Variants in BLVRA observed in about 807,000 individuals in gnomAD.
BLVRA encodes biliverdin reductase A.
BLVRA carries 22 observed loss-of-function variants against 32.8 expected under a neutral mutation model. The observed-to-expected ratio is 0.67, with a 90% CI of 0.48 to 0.96. The LOEUF is 0.96. Among genes scored for constraint, BLVRA ranks in the 40% least tolerant of loss-of-function variants. The probability of loss-of-function intolerance (pLI) is 0.00; values close to 1 mark genes in which losing one functional copy is unlikely to be tolerated. For synonymous variants in BLVRA, 119 were observed against 141.3 expected (o/e 0.84, Z 1.12); for missense variants, 323 against 358.1 (o/e 0.90, Z 0.79).
At chr7:43,779,554 A>G (rs1164683911) in intron 2 of BLVRA, among the ~76,000 whole-genome samples, 2 of 152,166 alleles carry the variant, frequency 1.3e-5, no homozygotes, top group South Asian at 2.1e-4. Context: ...AAGTCTCCCT[A>G]TTACGTTATC....
intron 7 of BLVRA, among the ~76,000 whole-genome samples, chr7:43,804,591 A>G (rs898297048): frequency 5.9e-5 from 9 of 152,232 alleles, no homozygotes; most frequent in Middle Eastern, 6.8e-3. Flanking sequence ...TGCCATTAAC[A>G]CTGTACATGT....
intron 2 of BLVRA, among the ~76,000 whole-genome samples, chr7:43,780,200 C>A (rs561114673): frequency 1.7e-3 from 259 of 152,222 alleles, no homozygotes; most frequent in Non-Finnish European, 3.2e-3. Flanking sequence ...GCCACAGGGA[C>A]CCCAAGCCCG....
At chr7:43,767,577 G>A (rs1274693846) in intron 1 of BLVRA, 3 of 997,642 alleles carry the variant, frequency 3.0e-6, no homozygotes, top group African/African-American at 1.6e-5. Flanking sequence ...TCATGACAGT[G>A]ACATGAAGGC....
chr7:43,759,870 C>G (rs1585705495), intron 1 of BLVRA: 1 of 151,678 alleles, frequency 6.6e-6, no homozygotes, highest in South Asian at 2.1e-4. Flanking sequence ...AAATGTTAGA[C>G]AAAGTATCAG....
In BLVRA at chr7:43,803,821, AGT is replaced by A; in HGVS notation, c.611_612del (p.Cys204SerfsTer13). Reference sequence around the variant, plus strand: ...AGGAAGATCAGTATATGAAAATGACAGTGTGTCTGGAGACAGAGAAGAAAAGG... The same window carrying A: ...AGGAAGATCAGTATATGAAAATGACAGTGTCTGGAGACAGAGAAGAAAAGG... ...RKEDQYMKMT[V>X]CLETEKKSPL... On this transcript the variant is annotated frameshift_variant, in exon 7 of 8. Coordinates refer to ENST00000265523, the MANE Select transcript of BLVRA (RefSeq NM_000712.4). LOFTEE classifies it high-confidence loss of function. 6.2e-7 allele frequency: 1 copy of A among 1,614,126 alleles called. No homozygotes were observed. The highest frequency in any genetic ancestry group is 1.1e-5 in the South Asian group (1 of 91,086).
chr7:43,787,756 C>T lies in BLVRA; in HGVS notation c.13-148C>T. 1 of 1,248,288 alleles carries T rather than the reference C, an allele frequency of 8.0e-7. No homozygotes were observed. Among genetic ancestry groups the T allele is most frequent in the Non-Finnish European group, 1.2e-6 (1 of 856,144 alleles). The allele number at this position is 1,248,288 out of a possible 1,614,324, so 77.3% of individuals were successfully genotyped here. ...TCCAAGCCCCCATTTCGGGGACTGT[C>T]TCATCCCATCCTGATGCTGTGGCTT... On this transcript the variant is annotated intron_variant, in intron 2 of 7. Transcript: ENST00000265523. This position sits in a 1 kb window ranked among gnomAD's most constrained non-coding sequence, Gnocchi z 4.5.
chr7:43,766,158 CG>C (rs1563535160), intron 1 of BLVRA, among the ~76,000 whole-genome samples: 2 of 151,696 alleles, frequency 1.3e-5, no homozygotes, highest in Admixed American at 6.6e-5. Context: ...TGGTGGTAGG[CG>C]CCTGTAATCC....
intron 5 of BLVRA, among the ~76,000 whole-genome samples, chr7:43,800,058 T>A (rs2095797025): frequency 6.6e-6 from 1 of 152,156 alleles, no homozygotes; most frequent in Admixed American, 6.6e-5. Flanking sequence ...CAGGTTCTAG[T>A]GATTCTCCTG....
chr7:43,794,846 C>A (rs1217478414), intron 5 of BLVRA, among the ~76,000 whole-genome samples: 1 of 152,130 alleles, frequency 6.6e-6, no homozygotes, highest in Non-Finnish European at 1.5e-5. Context: ...ACATTAATAG[C>A]AAAATGGGGG....
intron 2 of BLVRA, among the ~76,000 whole-genome samples, chr7:43,786,831 G>GT (rs2095778213): frequency 6.6e-6 from 1 of 152,160 alleles, no homozygotes. Flanking sequence ...TGACAACTGG[G>GT]TACAGAGGTG....
chr7:43,769,189 G>A (rs1323093685), intron 1 of BLVRA, among the ~76,000 whole-genome samples: 1 of 151,874 alleles, frequency 6.6e-6, no homozygotes, highest in Non-Finnish European at 1.5e-5. Flanking sequence ...CACAATGCCT[G>A]GCTAATTTTT....
At position 43,806,969 on chromosome 7, in the gene BLVRA, C is replaced by T; in HGVS notation, c.633-8C>T. ...CTAACATGATTCTTTTGTCTTTTGT[C>T]TTTGCAGTCCACTGTCATGGATTGA... On this transcript the variant is annotated splice_region_variant and splice_polypyrimidine_tract_variant and intron_variant, in intron 7 of 7. Coordinates refer to ENST00000265523, the MANE Select transcript of BLVRA (RefSeq NM_000712.4). 1 of 1,613,614 alleles carries T rather than the reference C, an allele frequency of 6.2e-7. No individual in the cohort carries two copies. Among genetic ancestry groups the T allele is most frequent in the Non-Finnish European group, 8.5e-7 (1 of 1,179,996 alleles).
Position 43,792,763 on chromosome 7 carries a change from A to T in BLVRA, c.303A>T (p.Thr101=). 6.2e-7 allele frequency: 1 copy of T among 1,614,200 alleles called. No homozygotes were observed. Among genetic ancestry groups the T allele is most frequent in the Non-Finnish European group, 8.5e-7 (1 of 1,180,026 alleles). The change falls in exon 5 of 8, where the codon ACA becomes ACT. Residue 101 remains threonine, a synonymous_variant. Coordinates refer to ENST00000265523, the MANE Select transcript of BLVRA (RefSeq NM_000712.4). ...GKHVLVEYPM[T]LSLAAAQELW... is the part of the protein sequence containing the mutation. ...ACGTCCTTGTGGAATACCCCATGAC[A>T]CTGTCATTGGCGGCCGCTCAGGAAC...
At chr7:43,766,929 C>T (rs1342455013) in intron 1 of BLVRA, among the ~76,000 whole-genome samples, 2 of 151,990 alleles carry the variant, frequency 1.3e-5, no homozygotes, top group Non-Finnish European at 2.9e-5. Flanking sequence ...CCCAGGAGTT[C>T]GACGTTGCAG....
At chr7:43,767,855 A>G (rs1003104903) in intron 1 of BLVRA, among the ~76,000 whole-genome samples, 20 of 151,912 alleles carry the variant, frequency 1.3e-4, no homozygotes, top group African/African-American at 4.4e-4. Flanking sequence ...CAAAAAAAAA[A>G]GAAAGGGAGA....
At chr7:43,789,396 C>A (rs2095782575) in intron 3 of BLVRA, among the ~76,000 whole-genome samples, 1 of 152,186 alleles carries the variant, frequency 6.6e-6, no homozygotes, top group Admixed American at 6.5e-5. Flanking sequence ...TTGGAAGCAC[C>A]AGGGAGACCC....
chr7:43,769,095 A>G (rs2095751562), intron 1 of BLVRA, among the ~76,000 whole-genome samples: 1 of 151,912 alleles, frequency 6.6e-6, no homozygotes, highest in South Asian at 2.1e-4. Context: ...TGGCGTGATC[A>G]TAGCTCACTG....
chr7:43,775,047 A>G (rs199645941), intron 2 of BLVRA, among the ~76,000 whole-genome samples: 15,189 of 152,030 alleles, frequency 0.1, 968 homozygotes, highest in Admixed American at 0.19. Flanking sequence ...GGGCTGAGAC[A>G]ATGGGGTTTT....
chr7:43,773,202 T>G (rs1184836079), intron 2 of BLVRA, among the ~76,000 whole-genome samples: 2 of 152,134 alleles, frequency 1.3e-5, no homozygotes, highest in East Asian at 3.8e-4. Context: ...GTTAGTTACA[T>G]ATGTATACAT....
Sources: gnomAD v4.1 joint callset for allele counts (sites outside exome capture counted in the v4.1 genomes callset) on GRCh38, gnomAD v4.1.1 for gene constraint, Gnocchi (gnomAD v3.1) non-coding constraint, MANE v1.5 for transcripts, NCBI Gene and HGNC (gene_info 2026-07-23, HGNC 2026-07-21) for gene names.